PTPN4: variants seen among roughly 807,000 people sequenced by gnomAD.
The protein encoded by PTPN4 is tyrosine-protein phosphatase non-receptor type 4.
In PTPN4, 49 loss-of-function variants were observed where a neutral mutation model predicts 135.5. The ratio of observed to expected loss-of-function variants is 0.36; its 90% CI spans 0.29 to 0.46. PTPN4 has a LOEUF of 0.46. PTPN4 is among the 20% of genes least tolerant of loss of function. The pLI is 1.00. For missense variants in PTPN4, 860 were observed against 1,101.0 expected, an observed-to-expected ratio of 0.78 and a Z score of 3.10; for synonymous variants, 333 against 369.9, an observed-to-expected ratio of 0.90 and a Z score of 1.14.
At chr2:119,888,076 A>G (rs1032442459) in intron 9 of PTPN4, among the ~76,000 whole-genome samples, 26 of 152,026 alleles carry the variant, frequency 1.7e-4, no homozygotes, top group African/African-American at 5.6e-4. Flanking sequence ...TGTAGAGATC[A>G]TTCACCTTCT....
intron 1 of PTPN4, among the ~76,000 whole-genome samples, chr2:119,808,116 A>G (rs568633400): frequency 6.6e-6 from 1 of 152,338 alleles, no homozygotes; most frequent in East Asian, 1.9e-4. Context: ...CACAGCCAAT[A>G]TCATACTGAA....
rs935551492 is a variant in PTPN4, at chr2:119,984,786, G to T, written c.*7716G>T. ...TGTGAAATGCTGTTACACATATTTT[G>T]TTGGCCATATTTCATTTTGAGAAAC... is the stretch of plus-strand genomic sequence containing the variant. On this transcript the variant is annotated 3_prime_UTR_variant, in exon 27 of 27. Coordinates refer to ENST00000263708, the MANE Select transcript of PTPN4 (RefSeq NM_002830.4). Among the ~76,000 whole-genome samples, 6 of 152,148 alleles carry T rather than the reference G, an allele frequency of 3.9e-5. No individual in the cohort carries two copies. Among genetic ancestry groups the T allele is most frequent in the Non-Finnish European group, 7.3e-5 (5 of 68,030 alleles).
intron 2 of PTPN4, among the ~76,000 whole-genome samples, chr2:119,825,334 T>G (rs925303331): frequency 6.6e-6 from 1 of 152,176 alleles, no homozygotes. Context: ...GTGTTTATTA[T>G]GTCCACAGAG....
chr2:119,936,548 T>G (rs1204417541), intron 15 of PTPN4, among the ~76,000 whole-genome samples: 1 of 152,208 alleles, frequency 6.6e-6, no homozygotes, highest in Admixed American at 6.5e-5. Flanking sequence ...TTTTCTCTCC[T>G]GCCGCCCTGT....
At chr2:119,941,955 G>T (rs72840412) in intron 15 of PTPN4, among the ~76,000 whole-genome samples, 3,166 of 152,274 alleles carry the variant, frequency 0.021, 60 homozygotes, top group Non-Finnish European at 0.033. Flanking sequence ...TACAGTGTTT[G>T]ACAACTGGTA....
intron 9 of PTPN4, among the ~76,000 whole-genome samples, chr2:119,887,269 G>A (rs567029048): frequency 5.3e-5 from 8 of 152,164 alleles, no homozygotes; most frequent in Non-Finnish European, 1.0e-4. Context: ...CAGGAGGATT[G>A]TGTAAGCCCA....
intron 1 of PTPN4, among the ~76,000 whole-genome samples, chr2:119,767,849 G>A (rs548784667): frequency 5.3e-5 from 8 of 152,302 alleles, no homozygotes; most frequent in East Asian, 3.9e-4. Context: ...TTGAACACCT[G>A]TTAAATTCAA....
chr2:119,980,250 T>C lies in PTPN4; in HGVS notation c.*3180T>C, dbSNP rs1679672417. 1 of 152,130 alleles carries C rather than the reference T, an allele frequency of 6.6e-6. No homozygotes were observed. Among genetic ancestry groups the C allele is most frequent in the South Asian group, 2.1e-4 (1 of 4,832 alleles). The allele number at this position is 152,130 out of a possible 1,614,324, so 9.4% of individuals were successfully genotyped here. A position where few individuals can be genotyped will look rare whatever the true frequency, so the allele number is the denominator to read the frequency against. On this transcript the variant is annotated 3_prime_UTR_variant, in exon 27 of 27. Coordinates refer to ENST00000263708, the MANE Select transcript of PTPN4 (RefSeq NM_002830.4). Reference sequence around the variant, plus strand: ...AAATATGTGTACACACACATAGAGCTACTTTTGTGTGTTTATTTATATGTA... The same window carrying C: ...AAATATGTGTACACACACATAGAGCCACTTTTGTGTGTTTATTTATATGTA...
At chr2:119,835,052 T>C (rs1216112779) in intron 2 of PTPN4, among the ~76,000 whole-genome samples, 3 of 152,212 alleles carry the variant, frequency 2.0e-5, no homozygotes, top group Non-Finnish European at 4.4e-5. Flanking sequence ...CTGTATTGTT[T>C]GGTTTCCCTT....
At chr2:119,959,141 G>A (rs1679329100) in intron 22 of PTPN4, among the ~76,000 whole-genome samples, 1 of 151,754 alleles carries the variant, frequency 6.6e-6, no homozygotes. Flanking sequence ...CCCTGCAGCT[G>A]TTTTGAGGGT....
At chr2:119,780,864 G>A (rs1246192823) in intron 1 of PTPN4, among the ~76,000 whole-genome samples, 1 of 152,134 alleles carries the variant, frequency 6.6e-6, no homozygotes, top group Non-Finnish European at 1.5e-5. Flanking sequence ...AGTGATTTTA[G>A]CATTTGTTAA....
chr2:119,896,558 G>A (rs1287678688), intron 9 of PTPN4, among the ~76,000 whole-genome samples: 2 of 152,088 alleles, frequency 1.3e-5, no homozygotes, highest in African/African-American at 4.8e-5. Flanking sequence ...TAATGCCTGG[G>A]TTTTGCTCTT....
At chr2:119,926,461 T>C (rs1468705372) in intron 12 of PTPN4, 137 bp from the exon 13 acceptor site, 2 of 517,078 alleles carry the variant, frequency 3.9e-6, no homozygotes, top group African/African-American at 3.9e-5. Context: ...TTGTCCAGTC[T>C]TTTTATTCTC....
chr2:119,841,330 C>T (rs2104970460), intron 2 of PTPN4, among the ~76,000 whole-genome samples: 1 of 152,250 alleles, frequency 6.6e-6, no homozygotes, highest in Admixed American at 6.5e-5. Flanking sequence ...AGCATACATA[C>T]ACATACATGT....
At chr2:119,926,709 T>C in intron 13 of PTPN4, 43 bp downstream of exon 13, 1 of 1,428,520 alleles carries the variant, frequency 7.0e-7, no homozygotes, top group Non-Finnish European at 9.6e-7. Context: ...TTTAAAAAGA[T>C]GGATTGAGTT....
chr2:119,903,514 C>T (rs1252023397), intron 10 of PTPN4, among the ~76,000 whole-genome samples: 1 of 151,882 alleles, frequency 6.6e-6, no homozygotes, highest in Non-Finnish European at 1.5e-5. Context: ...CCTCCAGACA[C>T]TGTTGGAGTC....
intron 15 of PTPN4, among the ~76,000 whole-genome samples, chr2:119,935,922 G>A (rs1314952463): frequency 1.3e-5 from 2 of 151,964 alleles, no homozygotes; most frequent in Non-Finnish European, 2.9e-5. Flanking sequence ...TAATTCTTGA[G>A]GCCTAACAAA....
chr2:119,905,166 T>C (rs1008564894), intron 10 of PTPN4, among the ~76,000 whole-genome samples: 14 of 152,280 alleles, frequency 9.2e-5, no homozygotes, highest in Admixed American at 7.2e-4. Context: ...TGAATGTATA[T>C]GGTTTAAGTT....
At chr2:119,847,895 C>T (rs547243248) in intron 2 of PTPN4, among the ~76,000 whole-genome samples, 1 of 152,284 alleles carries the variant, frequency 6.6e-6, no homozygotes, top group East Asian at 1.9e-4. Flanking sequence ...TTGAATATGT[C>T]ATCCAGGTGT....
Sources: gnomAD v4.1 joint callset for allele counts (sites outside exome capture counted in the v4.1 genomes callset) on GRCh38, gnomAD v4.1.1 for gene constraint, MANE v1.5 for transcripts, NCBI Gene and HGNC (gene_info 2026-07-23, HGNC 2026-07-21) for gene names.